The following GFOD1 variants were observed in gnomAD, a reference collection of about 807,000 sequenced individuals.
GFOD1 encodes the protein glucose-fructose oxidoreductase domain-containing protein 1.
In GFOD1, 9 loss-of-function variants were observed where a neutral mutation model predicts 25.4. The ratio of observed to expected loss-of-function variants is 0.35; its 90% CI spans 0.21 to 0.62. The LOEUF (loss-of-function observed/expected upper bound fraction) is 0.62, where lower values mean the gene tolerates loss of function less well. Ranked by LOEUF, GFOD1 falls within the 20% of genes least tolerant of loss-of-function variation. GFOD1 has a pLI of 0.72. For missense variants in GFOD1, 403 were observed against 556.9 expected (o/e 0.72, Z 2.78); for synonymous variants, 253 against 245.6 (o/e 1.03, Z -0.28).
At chr6:13,446,886 C>T (rs1758011893) in intron 1 of GFOD1, among the ~76,000 whole-genome samples, 1 of 152,248 alleles carries the variant, frequency 6.6e-6, no homozygotes, top group African/African-American at 2.4e-5. Flanking sequence ...TTTCTCTGCC[C>T]ATCTTCTAGG....
At chr6:13,476,509 T>G (rs1249489690) in intron 1 of GFOD1, among the ~76,000 whole-genome samples, 9 of 152,200 alleles carry the variant, frequency 5.9e-5, no homozygotes, top group Non-Finnish European at 8.8e-5. Context: ...TCTAAATATA[T>G]AAATTTACTA....
At chr6:13,425,453 C>T (rs1477572150) in intron 1 of GFOD1, among the ~76,000 whole-genome samples, 1 of 152,062 alleles carries the variant, frequency 6.6e-6, no homozygotes, top group African/African-American at 2.4e-5. Flanking sequence ...TACCCTGGGG[C>T]TGATGTTCCC....
At chr6:13,393,368 CAAA>C (rs70989853) in intron 1 of GFOD1, among the ~76,000 whole-genome samples, 5,668 of 72,558 alleles carry the variant, frequency 0.078, 182 homozygotes, top group Middle Eastern at 0.14. Flanking sequence ...AAACAACCAC[CAAA>C]AAAAAAAAAA....
At chr6:13,402,297 T>C (rs554814432) in intron 1 of GFOD1, among the ~76,000 whole-genome samples, 1 of 152,188 alleles carries the variant, frequency 6.6e-6, no homozygotes, top group African/African-American at 2.4e-5. Context: ...TCTCTAGATA[T>C]AATACCAAAA....
At chr6:13,439,969 T>C (rs1470703757) in intron 1 of GFOD1, among the ~76,000 whole-genome samples, 2 of 152,142 alleles carry the variant, frequency 1.3e-5, no homozygotes, top group African/African-American at 4.8e-5. Flanking sequence ...AGCAAGTCAG[T>C]AGAGGAGACA....
In GFOD1 at chr6:13,365,928, C is replaced by T. The variant is rs901412814; in HGVS notation, c.254-266G>A. 1.4e-5 allele frequency among the ~76,000 whole-genome samples: 2 copies of T among 144,814 alleles called. No individual in the cohort carries two copies. The highest frequency in any genetic ancestry group is 4.1e-4 in the East Asian group (2 of 4,896). ...AATAATAATAATAATAATAATGAGC[C>T]GGGCGTGGTGGTGCACGCCTGTGGT... is the stretch of plus-strand genomic sequence containing the variant. On this transcript the variant is annotated intron_variant, in intron 1 of 1. Coordinates refer to ENST00000379287, the MANE Select transcript of GFOD1 (RefSeq NM_018988.4). The surrounding 1 kb of genome is among the most constrained non-coding windows in gnomAD (Gnocchi z 9.2).
At chr6:13,374,264 G>GTTTTT (rs113077397) in intron 1 of GFOD1, among the ~76,000 whole-genome samples, 1 of 126,160 alleles carries the variant, frequency 7.9e-6, no homozygotes, top group Non-Finnish European at 1.7e-5. Flanking sequence ...TTAAAAATAT[G>GTTTTT]TTTTTTTTTT....
At position 13,360,370 on chromosome 6, in the gene GFOD1, C is replaced by T. The variant is rs1420294511; in HGVS notation, c.*4373G>A. The stretch of plus-strand genomic sequence containing the variant: ...TATGATCACAGGCCAAATTCAATAG[C>T]TGTGGCTATGAGACAAGATGAAGAG... On this transcript the variant is annotated 3_prime_UTR_variant, in exon 2 of 2. Coordinates refer to ENST00000379287, the MANE Select transcript of GFOD1 (RefSeq NM_018988.4). 2 of 280,758 alleles carry T rather than the reference C, an allele frequency of 7.1e-6. No individual in the cohort carries two copies. The highest frequency in any genetic ancestry group is 1.4e-5 in the Non-Finnish European group (2 of 141,790). The allele number at this position is 280,758 out of a possible 1,614,324, so 17.4% of individuals were successfully genotyped here.
Position 13,487,257 on chromosome 6 carries a change from T to G in GFOD1, c.-367A>C. 2 of 218,100 alleles carry G rather than the reference T, an allele frequency of 9.2e-6. No individual in the cohort carries two copies. The highest frequency in any genetic ancestry group is 1.8e-5 in the Non-Finnish European group (2 of 112,178). The allele number at this position is 218,100 out of a possible 1,614,324, so 13.5% of individuals were successfully genotyped here. ...CGTGCGCCCCGCCAAGGCCGCTCCA[T>G]GGCCGGCTCATCCCCGCGGCCGCGC... On this transcript the variant is annotated 5_prime_UTR_variant, in exon 1 of 2. It removes an upstream start codon present in the reference 5' UTR. Transcript: ENST00000379287. The surrounding 1 kb of genome is among the most constrained non-coding windows in gnomAD (Gnocchi z 4.9).
chr6:13,442,000 G>A (rs905077555), intron 1 of GFOD1, among the ~76,000 whole-genome samples: 9 of 152,172 alleles, frequency 5.9e-5, no homozygotes, highest in Non-Finnish European at 1.3e-4. Flanking sequence ...CTCAGATGGG[G>A]ACTGTGTAGA....
chr6:13,446,279 G>A (rs1212848051), intron 1 of GFOD1, among the ~76,000 whole-genome samples: 1 of 152,148 alleles, frequency 6.6e-6, no homozygotes, highest in East Asian at 1.9e-4. Context: ...ACACAGGCCT[G>A]TACACTTGCA....
chr6:13,486,556 G>C, intron 1 of GFOD1, 82 bp downstream of exon 1: 1 of 1,169,442 alleles, frequency 8.6e-7, no homozygotes, highest in East Asian at 2.4e-5. Flanking sequence ...GGGATGCGGA[G>C]AGGGAAAGGC....
chr6:13,378,845 A>T (rs1377567679), intron 1 of GFOD1, among the ~76,000 whole-genome samples: 1 of 152,194 alleles, frequency 6.6e-6, no homozygotes, highest in Non-Finnish European at 1.5e-5. Context: ...AAGCCTGCCC[A>T]AGAAAGGAAA....
Position 13,414,511 on chromosome 6 carries a change from T to C in GFOD1, c.254-48849A>G, listed in dbSNP as rs1371134138. Among the ~76,000 whole-genome samples, 6 of 152,086 alleles carry C rather than the reference T, an allele frequency of 3.9e-5. No homozygotes were observed. The East Asian group carries it at 9.6e-4, about 24-fold the overall frequency. On this transcript the variant is annotated intron_variant, in intron 1 of 1. Transcript: ENST00000379287. ...GCCAGGCATGTAGCACAGCACAGAGTTGATGAGATCTAGTCCAAGAGCTAC... is the reference window on the plus strand; with the variant it reads ...GCCAGGCATGTAGCACAGCACAGAGCTGATGAGATCTAGTCCAAGAGCTAC...
chr6:13,407,647 T>C (rs1477707672), intron 1 of GFOD1, among the ~76,000 whole-genome samples: 1 of 152,196 alleles, frequency 6.6e-6, no homozygotes. Flanking sequence ...GGGCTTATCT[T>C]TGAATCAAAA....
chr6:13,376,641 T>C (rs1785262481), intron 1 of GFOD1, among the ~76,000 whole-genome samples: 1 of 152,198 alleles, frequency 6.6e-6, no homozygotes, highest in South Asian at 2.1e-4. Context: ...GATTGCTGGG[T>C]TGAACTACAA....
At chr6:13,393,063 A>G (rs1785646831) in intron 1 of GFOD1, among the ~76,000 whole-genome samples, 1 of 151,936 alleles carries the variant, frequency 6.6e-6, no homozygotes, top group Non-Finnish European at 1.5e-5. Flanking sequence ...CCTTATCGAA[A>G]GAAGAAAAAG....
At chr6:13,452,798 A>G (rs1758121887) in intron 1 of GFOD1, among the ~76,000 whole-genome samples, 1 of 152,192 alleles carries the variant, frequency 6.6e-6, no homozygotes, top group South Asian at 2.1e-4. Context: ...AGTGTTCCAG[A>G]TGAAAGGAGA....
At chr6:13,434,294 T>A (rs1243581787) in intron 1 of GFOD1, among the ~76,000 whole-genome samples, 11 of 118,084 alleles carry the variant, frequency 9.3e-5, no homozygotes, top group South Asian at 2.7e-4. Context: ...AGTGCAGGGC[T>A]TTATGGGAAC....
Sources: allele counts gnomAD v4.1 joint callset (sites outside exome capture counted in the v4.1 genomes callset), GRCh38; gene constraint gnomAD v4.1.1; non-coding constraint Gnocchi (gnomAD v3.1); transcripts MANE v1.5; gene names NCBI Gene and HGNC (gene_info 2026-07-23, HGNC 2026-07-21).